Variants in STXBP6 observed in about 807,000 individuals in gnomAD.
STXBP6 encodes the protein syntaxin-binding protein 6.
A neutral mutation model predicts 26.9 loss-of-function variants in STXBP6; 21 were observed. The observed-to-expected ratio is 0.78, with a 90% confidence interval of 0.55 to 1.12. STXBP6 has a LOEUF of 1.12. STXBP6 is among the 50% of genes most tolerant of loss of function. The pLI, the probability that STXBP6 is intolerant of heterozygous loss-of-function variation, is 0.00. For synonymous variants in STXBP6, 97 were observed against 92.6 expected, an observed-to-expected ratio of 1.05 and a Z score of -0.27; for missense variants, 232 against 257.9, an observed-to-expected ratio of 0.90 and a Z score of 0.69.
chr14:24,960,261 G>A (rs533246410), intron 2 of STXBP6, among the ~76,000 whole-genome samples: 5 of 152,304 alleles, frequency 3.3e-5, no homozygotes, highest in Admixed American at 6.5e-5. Context: ...GAAGCCAGAC[G>A]TTTGACAACA....
intron 2 of STXBP6, among the ~76,000 whole-genome samples, chr14:24,902,026 A>C (rs2071232298): frequency 6.6e-6 from 1 of 152,204 alleles, no homozygotes; most frequent in South Asian, 2.1e-4. Context: ...GAAATGAACG[A>C]ATCAAAAGCA....
chr14:24,976,852 C>CTATTTTTTTTT (rs2074058059), intron 1 of STXBP6, among the ~76,000 whole-genome samples: 1 of 45,276 alleles, frequency 2.2e-5, no homozygotes, highest in Non-Finnish European at 3.7e-5. Context: ...ACTGGGCGCT[C>CTATTTTTTTTT]TTTTTTTTTT....
At chr14:24,939,771 TAA>T (rs2072736737) in intron 2 of STXBP6, among the ~76,000 whole-genome samples, 2 of 152,326 alleles carry the variant, frequency 1.3e-5, no homozygotes, top group East Asian at 1.9e-4. Context: ...GTAATAAATA[TAA>T]GATTATTGAG....
At chr14:24,902,596 C>T (rs1318941648) in intron 2 of STXBP6, among the ~76,000 whole-genome samples, 1 of 152,194 alleles carries the variant, frequency 6.6e-6, no homozygotes, top group Non-Finnish European at 1.5e-5. Flanking sequence ...GATTATCAAA[C>T]ATTCACTAAC....
intron 2 of STXBP6, among the ~76,000 whole-genome samples, chr14:24,857,757 A>T (rs1049160734): frequency 6.6e-5 from 10 of 151,798 alleles, no homozygotes; most frequent in African/African-American, 2.4e-4. Context: ...TGTTCTGGGC[A>T]CACCTCCACA....
intron 4 of STXBP6, among the ~76,000 whole-genome samples, chr14:24,853,153 A>T (rs2139146111): frequency 6.6e-6 from 1 of 152,188 alleles, no homozygotes; most frequent in Admixed American, 6.6e-5. Flanking sequence ...TGTGGCCCAT[A>T]CTATAGGAAG....
intron 4 of STXBP6, among the ~76,000 whole-genome samples, chr14:24,839,258 G>A (rs1327632746): frequency 1.6e-4 from 24 of 152,044 alleles, no homozygotes; most frequent in East Asian, 3.9e-4. Flanking sequence ...TTTCCCACAC[G>A]GAGAGAAAGG....
chr14:25,027,274 T>C (rs2075366615), intron 1 of STXBP6, among the ~76,000 whole-genome samples: 1 of 152,202 alleles, frequency 6.6e-6, no homozygotes, highest in Non-Finnish European at 1.5e-5. Context: ...CAACAGCATG[T>C]GCCCACTCCA....
intron 2 of STXBP6, among the ~76,000 whole-genome samples, chr14:24,925,915 T>A (rs1355176586): frequency 6.6e-6 from 1 of 152,154 alleles, no homozygotes; most frequent in Non-Finnish European, 1.5e-5. Flanking sequence ...AACTTGCCCC[T>A]GCCAGAAGTT....
intron 3 of STXBP6, 149 bp downstream of exon 3, chr14:24,856,877 AC>A (rs1364362176): frequency 1.2e-5 from 11 of 893,594 alleles, no homozygotes; most frequent in Admixed American, 2.8e-5. Context: ...ATAAGAAAGG[AC>A]TCTGTATCCG....
At chr14:24,821,243 T>G (rs1171623688) in intron 4 of STXBP6, among the ~76,000 whole-genome samples, 1 of 152,222 alleles carries the variant, frequency 6.6e-6, no homozygotes, top group African/African-American at 2.4e-5. Context: ...ATAGCTTCCT[T>G]AAATCAAAAG....
At chr14:25,030,370 C>T (rs1221854089) in intron 1 of STXBP6, among the ~76,000 whole-genome samples, 2 of 152,214 alleles carry the variant, frequency 1.3e-5, no homozygotes, top group African/African-American at 2.4e-5. Flanking sequence ...CCAGGAGAGC[C>T]TGGCCACTTC....
chr14:24,897,065 C>T (rs748022201), intron 2 of STXBP6, among the ~76,000 whole-genome samples: 8 of 152,014 alleles, frequency 5.3e-5, no homozygotes, highest in Non-Finnish European at 1.2e-4. Context: ...GATCTTAGGC[C>T]CACATTTTAG....
chr14:25,035,846 T>C (rs1305222694), intron 1 of STXBP6, among the ~76,000 whole-genome samples: 1 of 152,130 alleles, frequency 6.6e-6, no homozygotes, highest in Non-Finnish European at 1.5e-5. Flanking sequence ...ATAAAGAAAC[T>C]ACCAAATGAA....
chr14:25,036,016 G>A (rs1207470409), intron 1 of STXBP6, among the ~76,000 whole-genome samples: 1 of 151,926 alleles, frequency 6.6e-6, no homozygotes, highest in African/African-American at 2.4e-5. Context: ...TCAGGGGTTC[G>A]AGACCAGCCC....
At chr14:24,882,578 G>T (rs2070413309) in intron 2 of STXBP6, among the ~76,000 whole-genome samples, 1 of 151,840 alleles carries the variant, frequency 6.6e-6, no homozygotes, top group Admixed American at 6.6e-5. Context: ...TTCTTGCCAA[G>T]CCTGAACTGA....
chr14:24,946,535 T>C (rs2072998534), intron 2 of STXBP6, among the ~76,000 whole-genome samples: 2 of 152,096 alleles, frequency 1.3e-5, no homozygotes, highest in South Asian at 4.2e-4. Context: ...GAGAGATTGG[T>C]GAAAGAGGAC....
chr14:24,815,795 C>T (rs1264943396), intron 5 of STXBP6: 1 of 152,146 alleles, frequency 6.6e-6, no homozygotes, highest in African/African-American at 2.4e-5. Context: ...GTGAGCAGAT[C>T]TGTTTCTGCG....
rs536365792 is a variant in STXBP6 at position 25,001,537 on chromosome 14, C to T, written c.-32-26687G>A. Among the ~76,000 whole-genome samples the T allele has an allele frequency of 1.8e-4, 27 of 152,290 alleles. No individual in the cohort carries two copies. In the South Asian group the frequency reaches 3.3e-3, roughly 19 times the overall value. ...CTTTCAGCTCCACCATTCTTCATTT[C>T]GGTAACTGTGGTTTTTATTTCTAAC... On this transcript the variant is annotated intron_variant, in intron 1 of 5. Coordinates refer to ENST00000323944, the MANE Select transcript of STXBP6 (RefSeq NM_001394410.1).
Sources: gnomAD v4.1 joint callset for allele counts (sites outside exome capture counted in the v4.1 genomes callset) on GRCh38, gnomAD v4.1.1 for gene constraint, MANE v1.5 for transcripts, NCBI Gene and HGNC (gene_info 2026-07-23, HGNC 2026-07-21) for gene names.